The following ST6GALNAC3 variants were observed in gnomAD, a reference collection of about 807,000 sequenced individuals.
The protein encoded by ST6GALNAC3 is alpha-N-acetylgalactosaminide alpha-2,6-sialyltransferase 3.
Under a neutral mutation model 32.7 loss-of-function variants are expected in ST6GALNAC3, and 25 were observed. That is an observed-to-expected ratio of 0.76 (90% confidence interval 0.56 to 1.07). The LOEUF is 1.07. Among genes scored for constraint, ST6GALNAC3 ranks in the 50% least tolerant of loss-of-function variants. The pLI, the probability that ST6GALNAC3 is intolerant of heterozygous loss-of-function variation, is 0.00. For missense variants in ST6GALNAC3, 355 were observed against 382.4 expected (o/e 0.93, Z 0.60); for synonymous variants, 129 against 133.1 (o/e 0.97, Z 0.21).
chr1:76,563,880 A>C (rs1665395744), intron 3 of ST6GALNAC3, among the ~76,000 whole-genome samples: 1 of 152,206 alleles, frequency 6.6e-6, no homozygotes, highest in South Asian at 2.1e-4. Context: ...GCTAATAGGC[A>C]GTAAATGTTC....
At chr1:76,291,606 A>C (rs1272383452) in intron 1 of ST6GALNAC3, among the ~76,000 whole-genome samples, 1 of 152,256 alleles carries the variant, frequency 6.6e-6, no homozygotes, top group East Asian at 1.9e-4. Flanking sequence ...GAACCGAAAC[A>C]AAATAAGTAG....
At chr1:76,109,261 C>T (rs1557620786) in intron 1 of ST6GALNAC3, among the ~76,000 whole-genome samples, 1 of 152,164 alleles carries the variant, frequency 6.6e-6, no homozygotes, top group Non-Finnish European at 1.5e-5. Context: ...CTCCTGGCTA[C>T]ACTCTCCCTA....
rs1295903066 is a variant in ST6GALNAC3 at position 76,444,705 on chromosome 1, T to C, written c.623+32288T>C. ...CCACTTTCCATAGTTGCTTCTTCTCTGGAGAAGGAAACAGAGGAACAGCTT... is the reference window on the plus strand; with the variant it reads ...CCACTTTCCATAGTTGCTTCTTCTCCGGAGAAGGAAACAGAGGAACAGCTT... On this transcript the variant is annotated intron_variant, in intron 3 of 4. Transcript: ENST00000328299. Among the ~76,000 whole-genome samples the C allele has an allele frequency of 2.6e-5, 4 of 152,142 alleles. No homozygotes were observed. The East Asian group carries it at 7.7e-4, about 29-fold the overall frequency.
At chr1:76,406,114 C>G (rs1000364958) in intron 2 of ST6GALNAC3, among the ~76,000 whole-genome samples, 1 of 151,972 alleles carries the variant, frequency 6.6e-6, no homozygotes, top group Admixed American at 6.6e-5. Flanking sequence ...AAAGACCCAT[C>G]GTGTGAACAT....
intron 1 of ST6GALNAC3, among the ~76,000 whole-genome samples, chr1:76,294,017 C>T (rs1382265951): frequency 6.6e-6 from 1 of 152,104 alleles, no homozygotes; most frequent in Admixed American, 6.5e-5. Flanking sequence ...TGTAGACTTC[C>T]TTTGCACTCA....
intron 1 of ST6GALNAC3, among the ~76,000 whole-genome samples, chr1:76,222,803 G>A (rs1655852569): frequency 6.6e-6 from 1 of 152,064 alleles, no homozygotes; most frequent in Non-Finnish European, 1.5e-5. Context: ...ATGAAAAAAT[G>A]CTCAATATCA....
intron 2 of ST6GALNAC3, among the ~76,000 whole-genome samples, chr1:76,341,721 T>C (rs1236367239): frequency 6.8e-6 from 1 of 146,686 alleles, no homozygotes; most frequent in South Asian, 2.2e-4. Flanking sequence ...TTCTTTCTTT[T>C]AATTATACTT....
intron 1 of ST6GALNAC3, among the ~76,000 whole-genome samples, chr1:76,196,155 A>G (rs1364893532): frequency 6.6e-6 from 1 of 152,162 alleles, no homozygotes; most frequent in Admixed American, 6.5e-5. Flanking sequence ...AAGTGTTATT[A>G]TTGTGAAAAT....
intron 1 of ST6GALNAC3, among the ~76,000 whole-genome samples, chr1:76,144,203 G>A (rs576466770): frequency 1.1e-4 from 17 of 152,248 alleles, no homozygotes; most frequent in African/African-American, 2.4e-4. Flanking sequence ...ATGGGAAAGC[G>A]TGCTGCTTGG....
Position 76,387,893 on chromosome 1 carries a change from A to G in ST6GALNAC3, c.214-24115A>G, listed in dbSNP as rs543256476. Among the ~76,000 whole-genome samples the G allele has an allele frequency of 2.6e-5, 4 of 152,230 alleles. No homozygotes were observed. The South Asian group carries it at 6.2e-4, about 24-fold the overall frequency. On this transcript the variant is annotated intron_variant, in intron 2 of 4. Transcript: ENST00000328299. ...CTAGGCCAGCCTTCTATGACTGAAA[A>G]AAAATCTTTAACAAACAAAGCTGAC...
chr1:76,584,134 G>T (rs315033), intron 3 of ST6GALNAC3, among the ~76,000 whole-genome samples: 7 of 152,180 alleles, frequency 4.6e-5, no homozygotes, highest in Non-Finnish European at 5.9e-5. Flanking sequence ...TCTTTTGCAT[G>T]GGGAGTATTA....
At chr1:76,296,205 T>C (rs1660395076) in intron 1 of ST6GALNAC3, among the ~76,000 whole-genome samples, 2 of 152,034 alleles carry the variant, frequency 1.3e-5, no homozygotes, top group Non-Finnish European at 2.9e-5. Flanking sequence ...TAGAATAGTC[T>C]CCAGAGGGGA....
chr1:76,354,776 G>T (rs1649305430), intron 2 of ST6GALNAC3, among the ~76,000 whole-genome samples: 1 of 152,156 alleles, frequency 6.6e-6, no homozygotes, highest in East Asian at 1.9e-4. Context: ...GATGTATTCA[G>T]TATTGACAAT....
chr1:76,339,757 T>C (rs1570887200), intron 2 of ST6GALNAC3, among the ~76,000 whole-genome samples: 1 of 152,070 alleles, frequency 6.6e-6, no homozygotes, highest in South Asian at 2.1e-4. Flanking sequence ...ACTCCTCTAA[T>C]CTAGTGACAG....
chr1:76,379,541 AAG>A (rs1248121313), intron 2 of ST6GALNAC3, among the ~76,000 whole-genome samples: 1 of 152,222 alleles, frequency 6.6e-6, no homozygotes, highest in African/African-American at 2.4e-5. Flanking sequence ...ATGGTGGAGA[AAG>A]AGAGAATCTC....
In ST6GALNAC3 at chr1:76,509,119, G is replaced by A. The variant is rs767368057; in HGVS notation, c.623+96702G>A. 2.8e-4 allele frequency among the ~76,000 whole-genome samples: 42 copies of A among 152,148 alleles called. No individual in the cohort carries two copies. The highest frequency in any genetic ancestry group is 4.9e-4 in the Non-Finnish European group (33 of 68,018). On this transcript the variant is annotated intron_variant, in intron 3 of 4. Transcript: ENST00000328299. This position sits in a 1 kb window ranked among gnomAD's most constrained non-coding sequence, Gnocchi z 5.5. The stretch of plus-strand genomic sequence containing the variant: ...TCTGGAAACACCAACAGAGTTGTTC[G>A]TCAATTGTTGATGTAGTGTAAAATG...
intron 3 of ST6GALNAC3, among the ~76,000 whole-genome samples, chr1:76,568,460 C>T (rs1185216765): frequency 6.6e-6 from 1 of 152,104 alleles, no homozygotes; most frequent in Non-Finnish European, 1.5e-5. Flanking sequence ...GTTCCTGGCA[C>T]TCTTTGCAGA....
At chr1:76,288,035 T>C (rs1659880409) in intron 1 of ST6GALNAC3, among the ~76,000 whole-genome samples, 1 of 152,204 alleles carries the variant, frequency 6.6e-6, no homozygotes, top group Admixed American at 6.5e-5. Context: ...AACTGAGAAG[T>C]AGCATGGGAG....
chr1:76,553,676 AT>A (rs34161278), intron 3 of ST6GALNAC3, among the ~76,000 whole-genome samples: 46,562 of 151,930 alleles, frequency 0.31, 7,548 homozygotes, highest in African/African-American at 0.41. Flanking sequence ...TTTTCTCTCT[AT>A]TTTTACTCGT....
Sources: gnomAD v4.1 joint callset for allele counts (sites outside exome capture counted in the v4.1 genomes callset) on GRCh38, gnomAD v4.1.1 for gene constraint, Gnocchi (gnomAD v3.1) non-coding constraint, MANE v1.5 for transcripts, NCBI Gene and HGNC (gene_info 2026-07-23, HGNC 2026-07-21) for gene names.